APP: variants seen among roughly 807,000 people sequenced by gnomAD.
APP encodes the protein amyloid beta precursor protein, also known as amyloid-beta precursor protein.
Under a neutral mutation model 101.4 loss-of-function variants are expected in APP, and 31 were observed. The observed-to-expected ratio is 0.31, with a 90% CI of 0.23 to 0.41. The LOEUF (loss-of-function observed/expected upper bound fraction) is 0.41. Ranked by LOEUF, APP falls within the 10% of genes least tolerant of loss-of-function variation. The pLI is 1.00. For missense variants in APP, 839 were observed against 1,003.7 expected (o/e 0.84, Z 2.22); for synonymous variants, 366 against 364.4 (o/e 1.00, Z -0.05).
chr21:26,069,010 A>G (rs1180793032), intron 3 of APP, among the ~76,000 whole-genome samples: 1 of 152,306 alleles, frequency 6.6e-6, no homozygotes, highest in Admixed American at 6.5e-5. Flanking sequence ...CTAATTCCTC[A>G]TTGGGTCAAA....
intron 1 of APP, among the ~76,000 whole-genome samples, chr21:26,153,405 G>A (rs559839534): frequency 2.8e-4 from 42 of 152,222 alleles, no homozygotes; most frequent in Admixed American, 1.1e-3. Context: ...TTTTTTTAAG[G>A]TTAAAGGTAT....
intron 1 of APP, among the ~76,000 whole-genome samples, chr21:26,141,782 G>C (rs562575488): frequency 6.6e-6 from 1 of 152,330 alleles, no homozygotes; most frequent in South Asian, 2.1e-4. Flanking sequence ...AAGAAACAGG[G>C]AAGAGTAAGG....
At chr21:25,918,422 G>A (rs185358384) in intron 13 of APP, among the ~76,000 whole-genome samples, 6 of 152,278 alleles carry the variant, frequency 3.9e-5, no homozygotes, top group East Asian at 1.9e-4. Context: ...AGCTCCCAGC[G>A]TGAGCGACGC....
intron 3 of APP, among the ~76,000 whole-genome samples, chr21:26,063,767 A>C (rs531941427): frequency 4.9e-4 from 74 of 152,358 alleles, no homozygotes; most frequent in African/African-American, 1.7e-3. Flanking sequence ...CTCTGCCCTC[A>C]AGAAAATGAA....
At chr21:25,903,965 G>A (rs1303609304) in intron 15 of APP, among the ~76,000 whole-genome samples, 2 of 134,324 alleles carry the variant, frequency 1.5e-5, no homozygotes, top group Non-Finnish European at 3.1e-5. Flanking sequence ...GCTCGAGCCT[G>A]TGGTGGAAGT....
At chr21:25,959,325 C>A (rs540925089) in intron 11 of APP, among the ~76,000 whole-genome samples, 5 of 152,208 alleles carry the variant, frequency 3.3e-5, no homozygotes, top group African/African-American at 9.6e-5. Flanking sequence ...CCCAGCTACT[C>A]GGGAGGCTGA....
chr21:25,973,919 G>A (rs1257344141), intron 11 of APP, among the ~76,000 whole-genome samples: 5 of 140,192 alleles, frequency 3.6e-5, no homozygotes, highest in Non-Finnish European at 7.5e-5. Context: ...CAGCCTGGGT[G>A]ACAGAGTGAG....
intron 13 of APP, among the ~76,000 whole-genome samples, chr21:25,930,499 C>T (rs1429196362): frequency 6.6e-6 from 1 of 151,958 alleles, no homozygotes; most frequent in Non-Finnish European, 1.5e-5. Context: ...TTTTCAACAT[C>T]CATACATAGT....
rs115659673 is a variant in APP, at chr21:26,061,941, A to C, written c.356-8593T>G. Reference sequence around the variant, plus strand: ...ATAAGACAGAATAGTGCTGGCCGGGAGTGGTGGCTCATGCCTGTAATCCCA... The same window carrying C: ...ATAAGACAGAATAGTGCTGGCCGGGCGTGGTGGCTCATGCCTGTAATCCCA... On this transcript the variant is annotated intron_variant, in intron 3 of 17. Transcript: ENST00000346798. 8.2e-3 allele frequency among the ~76,000 whole-genome samples: 1,254 copies of C among 152,246 alleles called. 10 individuals are homozygous for C. Among genetic ancestry groups the C allele is most frequent in the African/African-American group, 0.028 (1,184 of 41,548 alleles).
chr21:26,116,766 AT>A (rs1358838201), intron 1 of APP, among the ~76,000 whole-genome samples: 1 of 152,228 alleles, frequency 6.6e-6, no homozygotes, highest in Non-Finnish European at 1.5e-5. Context: ...AATGAAAGCC[AT>A]CTGTTTTCTG....
chr21:26,112,814 C>T (rs1568990175), intron 1 of APP, among the ~76,000 whole-genome samples: 1 of 152,148 alleles, frequency 6.6e-6, no homozygotes, highest in African/African-American at 2.4e-5. Flanking sequence ...CAACCATCTG[C>T]AAGGAGCCAA....
chr21:26,155,023 G>T (rs982734983), intron 1 of APP, among the ~76,000 whole-genome samples: 1 of 152,172 alleles, frequency 6.6e-6, no homozygotes, highest in South Asian at 2.1e-4. Context: ...AGGCCAAAGC[G>T]GCAAGTCACT....
intron 13 of APP, chr21:25,942,399 C>G (rs2829994): frequency 6.6e-6 from 1 of 152,080 alleles, no homozygotes; most frequent in African/African-American, 2.4e-5. Flanking sequence ...TGAAATCATG[C>G]GGCTGAACGA....
At chr21:25,967,754 T>G (rs1163566145) in intron 11 of APP, among the ~76,000 whole-genome samples, 1 of 152,194 alleles carries the variant, frequency 6.6e-6, no homozygotes, top group African/African-American at 2.4e-5. Flanking sequence ...AGTTCCTGTT[T>G]CATGAAGCTA....
chr21:26,108,001 A>T (rs906055229), intron 2 of APP, among the ~76,000 whole-genome samples: 3 of 152,176 alleles, frequency 2.0e-5, no homozygotes, highest in African/African-American at 7.2e-5. Flanking sequence ...TTGTTCCCTG[A>T]CTTGCAACAT....
At chr21:25,991,512 G>A (rs1877979747) in intron 8 of APP, among the ~76,000 whole-genome samples, 1 of 152,022 alleles carries the variant, frequency 6.6e-6, no homozygotes, top group African/African-American at 2.4e-5. Context: ...TGAGTAGGTG[G>A]GATTACAGGC....
chr21:26,100,734 C>T (rs968681738), intron 2 of APP, among the ~76,000 whole-genome samples: 1 of 134,600 alleles, frequency 7.4e-6, no homozygotes, highest in Admixed American at 8.0e-5. Context: ...TTTGCTGATC[C>T]TGTTAATCTA....
chr21:26,020,776 C>T (rs2044301191), intron 6 of APP, among the ~76,000 whole-genome samples: 1 of 152,140 alleles, frequency 6.6e-6, no homozygotes, highest in Admixed American at 6.5e-5. Flanking sequence ...GGAACTCAAT[C>T]CAACAGTTTA....
At chr21:26,135,698 G>C (rs989406073) in intron 1 of APP, among the ~76,000 whole-genome samples, 3 of 152,084 alleles carry the variant, frequency 2.0e-5, no homozygotes, top group African/African-American at 7.2e-5. Context: ...TTACTGGAAG[G>C]GCATGTGTCC....
Sources: allele counts gnomAD v4.1 joint callset (sites outside exome capture counted in the v4.1 genomes callset), GRCh38; gene constraint gnomAD v4.1.1; transcripts MANE v1.5; gene names NCBI Gene and HGNC (gene_info 2026-07-23, HGNC 2026-07-21).